The following GRAMD4 variants were observed in gnomAD, a reference collection of about 807,000 sequenced individuals.
GRAMD4 encodes GRAM domain containing 4, also known as GRAM domain-containing protein 4.
Under a neutral mutation model 83.9 loss-of-function variants are expected in GRAMD4, and 25 were observed. The ratio of observed to expected loss-of-function variants is 0.30; its 90% confidence interval spans 0.22 to 0.42. The LOEUF is 0.42. GRAMD4 is among the 10% of genes least tolerant of loss of function. The pLI, the probability that GRAMD4 is intolerant of heterozygous loss-of-function variation, is 1.00. For synonymous variants in GRAMD4, 336 were observed against 320.9 expected, an observed-to-expected ratio of 1.05 and a Z score of -0.50; for missense variants, 593 against 788.7, an observed-to-expected ratio of 0.75 and a Z score of 2.97.
chr22:46,646,579 C>G (rs1290533259), intron 3 of GRAMD4, among the ~76,000 whole-genome samples: 1 of 152,198 alleles, frequency 6.6e-6, no homozygotes, highest in African/African-American at 2.4e-5. Context: ...GCTGCCAGCT[C>G]CCTGCTGGCG....
chr22:46,662,187 C>A (rs955722789), intron 5 of GRAMD4, among the ~76,000 whole-genome samples: 1 of 152,232 alleles, frequency 6.6e-6, no homozygotes, highest in Non-Finnish European at 1.5e-5. Flanking sequence ...GGGAAGAAGC[C>A]GCAGGAGCCT....
intron 2 of GRAMD4, among the ~76,000 whole-genome samples, chr22:46,628,181 C>T (rs551177323): frequency 1.3e-5 from 2 of 152,160 alleles, no homozygotes; most frequent in Admixed American, 6.5e-5. Context: ...GGAGGGGTGA[C>T]GGGGATTCCA....
At chr22:46,608,160 C>A (rs1274118200) in intron 1 of GRAMD4, among the ~76,000 whole-genome samples, 7 of 152,308 alleles carry the variant, frequency 4.6e-5, no homozygotes, top group African/African-American at 1.7e-4. Context: ...GTTCTTGTTC[C>A]CTAGTCCCTA....
chr22:46,638,188 G>A (rs1214815244), intron 3 of GRAMD4, among the ~76,000 whole-genome samples: 5 of 152,226 alleles, frequency 3.3e-5, no homozygotes, highest in African/African-American at 1.2e-4. Context: ...CTGCTAAGCC[G>A]GCACTCAAGG....
upstream of GRAMD4, among the ~76,000 whole-genome samples, chr22:46,576,974 AC>A (rs1003404162): frequency 7.0e-6 from 1 of 143,154 alleles, no homozygotes; most frequent in Non-Finnish European, 1.5e-5. Flanking sequence ...GCCCCCGCGG[AC>A]CCCCGAGCCG....
intron 1 of GRAMD4, among the ~76,000 whole-genome samples, chr22:46,595,355 C>T (rs1317347412): frequency 2.0e-5 from 3 of 152,154 alleles, no homozygotes; most frequent in Admixed American, 1.3e-4. Flanking sequence ...GTGTCTCTTC[C>T]GACTTTATTT....
upstream of GRAMD4, among the ~76,000 whole-genome samples, chr22:46,619,640 C>T (rs947849440): frequency 3.9e-5 from 6 of 152,212 alleles, no homozygotes; most frequent in Non-Finnish European, 5.9e-5. Context: ...TGGCCGCCCC[C>T]GGTCCTCCTG....
At chr22:46,615,753 TAGG>T (rs2081477749), upstream of GRAMD4, among the ~76,000 whole-genome samples, 2 of 18,818 alleles carry the variant, frequency 1.1e-4, no homozygotes, top group African/African-American at 4.2e-4. Context: ...CCTGTGCGTG[TAGG>T]TTCCCCCTTG....
At chr22:46,612,728 T>C (rs1392266311) in intron 1 of GRAMD4, among the ~76,000 whole-genome samples, 1 of 152,324 alleles carries the variant, frequency 6.6e-6, no homozygotes, top group Middle Eastern at 3.4e-3. Flanking sequence ...CTCAACCCTT[T>C]AGGGCTGGAT....
chr22:46,675,919 A>G (rs1190614873), intron 17 of GRAMD4, among the ~76,000 whole-genome samples: 2 of 152,192 alleles, frequency 1.3e-5, no homozygotes, highest in Non-Finnish European at 1.5e-5. Flanking sequence ...GTGGGAGCTC[A>G]GATGGTCGCG....
Position 46,677,796 on chromosome 22 carries a change from T to A in GRAMD4, c.*545T>A. ...CCCTCCTTCCTCTTACATGAGACCC[T>A]CCTGTGGCATTTGCCCTTGGTGCCG... is the stretch of plus-strand genomic sequence containing the variant. On this transcript the variant is annotated 3_prime_UTR_variant, in exon 19 of 19. Coordinates refer to ENST00000406902, the MANE Select transcript of GRAMD4 (RefSeq NM_015124.5). 20 of 983,716 alleles carry A rather than the reference T, an allele frequency of 2.0e-5. No homozygotes were observed. Among genetic ancestry groups the A allele is most frequent in the Non-Finnish European group, 2.4e-5 (20 of 829,922 alleles). The allele number at this position is 983,716 out of a possible 1,614,324, so 60.9% of individuals were successfully genotyped here.
chr22:46,676,097 G>T (rs1000495348), intron 17 of GRAMD4, among the ~76,000 whole-genome samples: 1 of 152,194 alleles, frequency 6.6e-6, no homozygotes, highest in Non-Finnish European at 1.5e-5. Context: ...TCCCAGCTCC[G>T]AGCGTCCTGG....
chr22:46,615,787 T>C (rs1184681346), upstream of GRAMD4, among the ~76,000 whole-genome samples: 1 of 27,786 alleles, frequency 3.6e-5, no homozygotes, highest in Non-Finnish European at 6.7e-5. Context: ...CCTGTGCGTG[T>C]AGGTTCCCCC....
chr22:46,675,335 C>T, intron 16 of GRAMD4, 133 bp from the exon 17 acceptor site: 1 of 714,838 alleles, frequency 1.4e-6, no homozygotes, highest in Admixed American at 2.0e-5. Context: ...TTCACCGGTT[C>T]TGTGTCTGCT....
Position 46,672,768 on chromosome 22 carries a change from C to A in GRAMD4, c.1085-75C>A. The A allele has an allele frequency of 8.1e-7, 1 of 1,230,298 alleles. No homozygotes were observed. The highest frequency in any genetic ancestry group is 1.2e-6 in the Non-Finnish European group (1 of 860,450). The allele number at this position is 1,230,298 out of a possible 1,614,324, so 76.2% of individuals were successfully genotyped here. The stretch of plus-strand genomic sequence containing the variant: ...GTGCCAATCTGGGAGGTGGGAGGTG[C>A]CGGAACCATCACCCTGAGTAGACTG... On this transcript the variant is annotated intron_variant, in intron 13 of 18. Transcript: ENST00000406902. This position sits in a 1 kb window ranked among gnomAD's most constrained non-coding sequence, Gnocchi z 4.7.
intron 1 of GRAMD4, among the ~76,000 whole-genome samples, chr22:46,625,049 A>G (rs1238818135): frequency 6.6e-6 from 1 of 151,670 alleles, no homozygotes; most frequent in Admixed American, 6.6e-5. Context: ...TTTAGTAGAG[A>G]TGGGGTTTCA....
At position 46,609,064 on chromosome 22, in the gene GRAMD4, T is replaced by C. The variant is rs1475915176; in HGVS notation, c.-49-17687T>C. On this transcript the variant is annotated intron_variant, in intron 1 of 1. Coordinates refer to the GRAMD4 transcript ENST00000431155. Reference sequence around the variant, plus strand: ...GCCACAGTGACCTATGATTGTGCCATTGCACTCCATCCTGGGTGAAAGAGT... The same window carrying C: ...GCCACAGTGACCTATGATTGTGCCACTGCACTCCATCCTGGGTGAAAGAGT... Among the ~76,000 whole-genome samples, 4 of 152,014 alleles carry C rather than the reference T, an allele frequency of 2.6e-5. No individual in the cohort carries two copies. The East Asian group carries it at 7.7e-4, about 29-fold the overall frequency.
intron 1 of GRAMD4, among the ~76,000 whole-genome samples, chr22:46,581,855 C>T (rs1299892024): frequency 6.6e-6 from 1 of 152,202 alleles, no homozygotes. Context: ...TGTTCTTGGG[C>T]AAGACACCTA....
At chr22:46,634,178 C>T (rs1188902168) in intron 2 of GRAMD4, among the ~76,000 whole-genome samples, 3 of 152,178 alleles carry the variant, frequency 2.0e-5, no homozygotes, top group African/African-American at 7.2e-5. Flanking sequence ...CAGGTTCCCT[C>T]GGTGGGGAGC....
Sources: gnomAD v4.1 joint callset for allele counts (sites outside exome capture counted in the v4.1 genomes callset) on GRCh38, gnomAD v4.1.1 for gene constraint, Gnocchi (gnomAD v3.1) non-coding constraint, MANE v1.5 for transcripts, NCBI Gene and HGNC (gene_info 2026-07-23, HGNC 2026-07-21) for gene names.